USH2A: variants seen among roughly 807,000 people sequenced by gnomAD.
The protein encoded by USH2A is usherin, also known as Usher syndrome 2A (autosomal recessive, mild).
Under a neutral mutation model 538.9 loss-of-function variants are expected in USH2A, and 443 were observed. The ratio of observed to expected loss-of-function variants is 0.82; its 90% CI spans 0.76 to 0.89. USH2A has a LOEUF of 0.89. USH2A is among the 40% of genes least tolerant of loss of function. The pLI is 0.00. For missense variants in USH2A, 6,633 were observed against 6,324.8 expected (o/e 1.05, Z -1.65); for synonymous variants, 2,413 against 2,273.5 (o/e 1.06, Z -1.75).
intron 3 of USH2A, among the ~76,000 whole-genome samples, chr1:216,378,045 G>A (rs1483829656): frequency 6.6e-6 from 1 of 152,008 alleles, no homozygotes; most frequent in Non-Finnish European, 1.5e-5. Context: ...TTGCCTCAAA[G>A]GTGGACATGC....
intron 50 of USH2A, among the ~76,000 whole-genome samples, chr1:215,798,096 C>A (rs1334517467): frequency 6.6e-6 from 1 of 152,078 alleles, no homozygotes; most frequent in Non-Finnish European, 1.5e-5. Flanking sequence ...ACTGCAGATG[C>A]AGTGGAAATA....
rs533352159 is a variant in USH2A, at chr1:215,737,455, G to GTGTT, written c.11711+3916_11711+3919dup. Among the ~76,000 whole-genome samples, 14 of 151,976 alleles carry GTGTT rather than the reference G, an allele frequency of 9.2e-5. No homozygotes were observed. In the South Asian group the frequency reaches 2.3e-3, roughly 25 times the overall value. On this transcript the variant is annotated intron_variant, in intron 60 of 71. Transcript: ENST00000307340. The stretch of plus-strand genomic sequence containing the variant: ...GTCTCAATGACATCAACTTGATGAA[G>GTGTT]TGTTCCATGAATATTCTAGACACAG...
intron 35 of USH2A, among the ~76,000 whole-genome samples, chr1:215,981,296 T>A (rs919533478): frequency 3.9e-5 from 6 of 152,158 alleles, no homozygotes; most frequent in African/African-American, 1.4e-4. Flanking sequence ...TTTTATATAT[T>A]CTGGATACAG....
chr1:216,010,871 G>A (rs563947552), intron 32 of USH2A, among the ~76,000 whole-genome samples: 1 of 151,418 alleles, frequency 6.6e-6, no homozygotes, highest in Non-Finnish European at 1.5e-5. Context: ...TCCTCCTCTT[G>A]TATCCCCCGA....
At chr1:216,026,037 G>T (rs144007360) in intron 32 of USH2A, among the ~76,000 whole-genome samples, 1,853 of 152,120 alleles carry the variant, frequency 0.012, 17 homozygotes, top group Non-Finnish European at 0.018. Context: ...TAAAGGTGTG[G>T]TATACGAGAC....
chr1:216,364,634 A>G (rs2038558970), intron 4 of USH2A, among the ~76,000 whole-genome samples: 1 of 152,172 alleles, frequency 6.6e-6, no homozygotes, highest in Admixed American at 6.5e-5. Context: ...CTGAGGCAAG[A>G]TTGCAGTTAG....
chr1:215,971,427 C>G (rs569378842), intron 35 of USH2A, among the ~76,000 whole-genome samples: 1 of 151,896 alleles, frequency 6.6e-6, no homozygotes, highest in African/African-American at 2.4e-5. Flanking sequence ...GGACATAGAC[C>G]CCCTTAGTAA....
intron 38 of USH2A, among the ~76,000 whole-genome samples, chr1:215,919,462 G>A (rs568402838): frequency 6.6e-6 from 1 of 152,150 alleles, no homozygotes; most frequent in East Asian, 1.9e-4. Context: ...AGCTCTTACA[G>A]CTAGTAGGAG....
At chr1:216,052,822 G>GAAATGTCTTTCT (rs2102530697) in intron 30 of USH2A, among the ~76,000 whole-genome samples, 1 of 152,278 alleles carries the variant, frequency 6.6e-6, no homozygotes, top group South Asian at 2.1e-4. Flanking sequence ...AAGTTGAAAA[G>GAAATGTCTTTCT]TTGTGCCATG....
At chr1:216,163,909 C>A (rs550740365) in intron 21 of USH2A, among the ~76,000 whole-genome samples, 1 of 151,992 alleles carries the variant, frequency 6.6e-6, no homozygotes, top group Non-Finnish European at 1.5e-5. Flanking sequence ...TCCCACAAGT[C>A]CTAGAAGCCT....
intron 13 of USH2A, among the ~76,000 whole-genome samples, chr1:216,239,853 A>G (rs2035900066): frequency 6.6e-6 from 1 of 152,128 alleles, no homozygotes; most frequent in Admixed American, 6.6e-5. Flanking sequence ...TGGTTTTATT[A>G]GATGAGACAA....
chr1:215,671,078 T>C lies in USH2A; in HGVS notation c.14027A>G (p.Gln4676Arg), dbSNP rs397517987. ...GGATTTTCTAGGCTGAGTTGCTATT[T>C]GTCTTCTGTATAATTCGTAATACAA... ...KVLYYELYRR[Q>R]IATQPRKSNP... Residue 4676 changes from glutamine (Q) to arginine (R), a missense_variant, in exon 64 of 72, where the codon CAA (glutamine) becomes CGA (arginine). By Grantham distance (43) the Gln-to-Arg change is conservative (BLOSUM62 1). Coordinates refer to ENST00000307340, the MANE Select transcript of USH2A (RefSeq NM_206933.4). The C allele has an allele frequency of 5.0e-6, 8 of 1,614,180 alleles. No homozygotes were observed. Among genetic ancestry groups the C allele is most frequent in the Admixed American group, 1.7e-5 (1 of 60,030 alleles).
intron 36 of USH2A, among the ~76,000 whole-genome samples, chr1:215,967,917 G>A (rs1188754351): frequency 2.6e-5 from 4 of 152,028 alleles, no homozygotes; most frequent in Non-Finnish European, 2.9e-5. Flanking sequence ...CTGGAGAATC[G>A]ATCCAATGAA....
chr1:216,081,894 G>C (rs1342924708), intron 26 of USH2A, among the ~76,000 whole-genome samples: 1 of 151,148 alleles, frequency 6.6e-6, no homozygotes, highest in Non-Finnish European at 1.5e-5. Context: ...ACTGCACCCA[G>C]CCTTAATTTT....
chr1:216,205,422 T>C (rs901303630), intron 16 of USH2A, among the ~76,000 whole-genome samples: 4 of 152,184 alleles, frequency 2.6e-5, no homozygotes, highest in Admixed American at 2.6e-4. Flanking sequence ...GAGTTTCCAT[T>C]AACTTTAAAG....
At position 216,168,684 on chromosome 1, in the gene USH2A, C is replaced by T. The variant is rs555687404; in HGVS notation, c.4627+6568G>A. Among the ~76,000 whole-genome samples, 18 of 152,178 alleles carry T rather than the reference C, an allele frequency of 1.2e-4. No individual in the cohort carries two copies. In the South Asian group the frequency reaches 3.1e-3, roughly 26 times the overall value. On this transcript the variant is annotated intron_variant, in intron 21 of 71. Coordinates refer to ENST00000307340, the MANE Select transcript of USH2A (RefSeq NM_206933.4). ...CGTGCAGCCTCCAGCTGCAAGATTC[C>T]GAACCTCCCCAAATTGCTCCTGGGG...
intron 32 of USH2A, among the ~76,000 whole-genome samples, chr1:216,026,742 T>C (rs10864226): frequency 0.46 from 69,278 of 151,944 alleles, 16,276 homozygotes; most frequent in East Asian, 0.71. Flanking sequence ...AGAAAGACAA[T>C]GAGGTTAATC....
At chr1:216,024,151 C>T (rs1668908992) in intron 32 of USH2A, among the ~76,000 whole-genome samples, 1 of 151,970 alleles carries the variant, frequency 6.6e-6, no homozygotes, top group South Asian at 2.1e-4. Context: ...TATTGGATGG[C>T]ATTATGGTTT....
intron 32 of USH2A, among the ~76,000 whole-genome samples, chr1:216,011,434 A>C (rs895545878): frequency 6.6e-6 from 1 of 152,126 alleles, no homozygotes; most frequent in African/African-American, 2.4e-5. Context: ...ATCTCAGCAT[A>C]ATTCTCATAA....
Sources: allele counts gnomAD v4.1 joint callset (sites outside exome capture counted in the v4.1 genomes callset), GRCh38; gene constraint gnomAD v4.1.1; transcripts MANE v1.5; gene names NCBI Gene and HGNC (gene_info 2026-07-23, HGNC 2026-07-21).